WSCD1: variants seen among roughly 807,000 people sequenced by gnomAD.
The protein encoded by WSCD1 is sialate:O-sulfotransferase 1.
Under a neutral mutation model 60.4 loss-of-function variants are expected in WSCD1, and 41 were observed. That is an observed-to-expected ratio of 0.68 (90% CI 0.53 to 0.88). The LOEUF (loss-of-function observed/expected upper bound fraction) is 0.88, where lower values mean the gene tolerates loss of function less well. Among genes scored for constraint, WSCD1 ranks in the 40% least tolerant of loss-of-function variants. WSCD1 has a pLI of 0.00. For missense variants in WSCD1, 784 were observed against 796.2 expected (o/e 0.98, Z 0.18); for synonymous variants, 361 against 332.5 (o/e 1.09, Z -0.93).
rs768609827 is a variant in WSCD1, at chr17:6,080,952, C to T, written c.294C>T (p.Gly98=). 1.3e-5 allele frequency: 21 copies of T among 1,560,674 alleles called. No homozygotes were observed. Among genetic ancestry groups the T allele is most frequent in the Non-Finnish European group, 1.2e-5 (14 of 1,157,090 alleles). Reference sequence around the variant, plus strand: ...GCCCCCTGACCCGGCCCCGGCCCGGCCCCCGCTGGCTCCGGAGCCGCAACT... The same window carrying T: ...GCCCCCTGACCCGGCCCCGGCCCGGTCCCCGCTGGCTCCGGAGCCGCAACT... ...LQSPLTRPRP[G]PRWLRSRNSE... The change falls in exon 2 of 9, where the codon GGC becomes GGT. Residue 98 remains glycine (G), a synonymous_variant. Coordinates refer to ENST00000317744, the MANE Select transcript of WSCD1 (RefSeq NM_015253.2). This position sits in a 1 kb window ranked among gnomAD's most constrained non-coding sequence, Gnocchi z 6.6.
chr17:6,095,350 G>A, intron 5 of WSCD1, 127 bp downstream of exon 5: 4 of 1,296,112 alleles, frequency 3.1e-6, no homozygotes, highest in Non-Finnish European at 4.1e-6. Flanking sequence ...GAGGAAGGGG[G>A]CATGGATGGG....
Position 6,120,630 on chromosome 17 carries a change from C to T in WSCD1, c.1697C>T (p.Thr566Met), listed in dbSNP as rs776570154. The T allele has an allele frequency of 9.9e-6, 16 of 1,612,992 alleles. No individual in the cohort carries two copies. Among genetic ancestry groups the T allele is most frequent in the East Asian group, 6.7e-5 (3 of 44,856 alleles). Reference sequence around the variant, plus strand: ...CAAGCCCTGCGTGACCACAACTGGACGGGGCTGCCCAGGGAGTATGTGCCC... The same window carrying T: ...CAAGCCCTGCGTGACCACAACTGGATGGGGCTGCCCAGGGAGTATGTGCCC... ...VDQALRDHNW[T>M]GLPREYVPR The change falls in exon 9 of 9, where the codon ACG becomes ATG. Residue 566 changes from threonine to methionine, a missense_variant. Transcript: ENST00000317744.
chr17:6,110,785 G>C lies in WSCD1; in HGVS notation c.1024G>C (p.Asp342His), dbSNP rs1911364064. ...QTPVQDTRCT[D>H]RRFLPNKSKV... ...TGGACTTTCAGACACTCGTTGTACA[G>C]ACAGGAGGTTCCTGCCTAACAAATC... Residue 342 changes from aspartate to histidine, a missense_variant, in exon 7 of 9, where the codon GAC becomes CAC. By Grantham distance (81) the Asp-to-His change is moderately conservative. Coordinates refer to ENST00000317744, the MANE Select transcript of WSCD1 (RefSeq NM_015253.2). The surrounding 1 kb of genome is among the most constrained non-coding windows in gnomAD (Gnocchi z 4.8). The C allele has an allele frequency of 6.2e-7, 1 of 1,613,430 alleles. No homozygotes were observed.
intron 8 of WSCD1, among the ~76,000 whole-genome samples, chr17:6,119,961 A>G (rs983680351): frequency 6.6e-6 from 1 of 152,196 alleles, no homozygotes; most frequent in Non-Finnish European, 1.5e-5. Context: ...GCTTCACTGT[A>G]TGTCCTACTG....
chr17:6,112,878 A>G (rs1189717121), intron 7 of WSCD1, among the ~76,000 whole-genome samples: 1 of 152,206 alleles, frequency 6.6e-6, no homozygotes, highest in African/African-American at 2.4e-5. Context: ...ACCAAAAGCA[A>G]TCAACAGATC....
chr17:6,109,202 A>G lies in WSCD1; in HGVS notation c.850-405A>G, dbSNP rs9901227. ...CTGTGCCATGCAGACATCCACTCATATGGATGCCCCTGCCCAGAGTGCCAT... is the reference window on the plus strand; with the variant it reads ...CTGTGCCATGCAGACATCCACTCATGTGGATGCCCCTGCCCAGAGTGCCAT... On this transcript the variant is annotated intron_variant, in intron 5 of 8. Transcript: ENST00000317744. Among the ~76,000 whole-genome samples, 1,513 of 152,208 alleles carry G rather than the reference A, an allele frequency of 9.9e-3. 25 individuals are homozygous for G. The highest frequency in any genetic ancestry group is 0.034 in the African/African-American group (1,405 of 41,528).
Position 6,088,090 on chromosome 17 carries a change from T to C in WSCD1, c.528T>C (p.Asp176=). Residue 176 remains aspartate (D), a synonymous_variant, in exon 3 of 9, where the codon GAT becomes GAC. Coordinates refer to ENST00000317744, the MANE Select transcript of WSCD1 (RefSeq NM_015253.2). ...AGATGACTGTCTCCCACTGCCAGGA[T>C]GCGTGTGCTGAGCGGTGAGTGCTGG... is the stretch of plus-strand genomic sequence containing the variant. The part of the protein sequence containing the change: ...LRKMTVSHCQ[D]ACAERSYVYA... 1.2e-6 allele frequency: 2 copies of C among 1,614,136 alleles called. No homozygotes were observed. The highest frequency in any genetic ancestry group is 1.7e-6 in the Non-Finnish European group (2 of 1,180,004).
chr17:6,104,186 G>A (rs367911952), intron 5 of WSCD1, among the ~76,000 whole-genome samples: 11 of 152,230 alleles, frequency 7.2e-5, no homozygotes, highest in South Asian at 6.2e-4. Context: ...CCAGCTGTCC[G>A]TGAACTGAGA....
chr17:6,107,673 C>G (rs974884445), intron 5 of WSCD1, among the ~76,000 whole-genome samples: 6 of 152,102 alleles, frequency 3.9e-5, no homozygotes, highest in African/African-American at 1.4e-4. Context: ...GACATCCGGG[C>G]TGCTTGTTTC....
upstream of WSCD1, chr17:6,069,428 TGAGAGAGAGAGA>T (rs71154637): frequency 3.4e-5 from 8 of 231,970 alleles, no homozygotes; most frequent in South Asian, 2.3e-4. Context: ...TGTGTGTGTG[TGAGAGAGAGAGA>T]GAGAGAGAGA....
intron 5 of WSCD1, among the ~76,000 whole-genome samples, chr17:6,097,765 A>C (rs1910537779): frequency 6.6e-6 from 1 of 152,128 alleles, no homozygotes; most frequent in South Asian, 2.1e-4. Context: ...AAACTTTGTC[A>C]GGTTGTCCTT....
intron 1 of WSCD1, among the ~76,000 whole-genome samples, chr17:6,079,327 C>T (rs1377733375): frequency 1.3e-5 from 2 of 152,152 alleles, no homozygotes; most frequent in Non-Finnish European, 2.9e-5. Context: ...GCCTTTTTTT[C>T]TGGGATAAGC....
intron 5 of WSCD1, among the ~76,000 whole-genome samples, chr17:6,098,544 T>G (rs1233660930): frequency 1.3e-5 from 2 of 152,130 alleles, no homozygotes. Flanking sequence ...GGGTCAGAAC[T>G]ACATGGAAAG....
At chr17:6,088,420 C>A (rs953396160) in intron 3 of WSCD1, among the ~76,000 whole-genome samples, 1 of 152,110 alleles carries the variant, frequency 6.6e-6, no homozygotes, top group Non-Finnish European at 1.5e-5. Context: ...CCAGCCATAG[C>A]AGGGACTCAG....
intron 1 of WSCD1, among the ~76,000 whole-genome samples, chr17:6,076,987 G>C (rs141426305): frequency 7.4e-4 from 113 of 152,280 alleles, no homozygotes; most frequent in Middle Eastern, 3.4e-3. Flanking sequence ...TGCCCTGGAG[G>C]GGGGCTGCCA....
intron 4 of WSCD1, among the ~76,000 whole-genome samples, chr17:6,091,402 G>A (rs1038211313): frequency 3.9e-5 from 6 of 152,270 alleles, no homozygotes; most frequent in Admixed American, 1.3e-4. Flanking sequence ...CTGTGTGGCC[G>A]TGGGGCTCAG....
At chr17:6,114,168 A>AAG (rs1911570568) in intron 7 of WSCD1, among the ~76,000 whole-genome samples, 1 of 151,830 alleles carries the variant, frequency 6.6e-6, no homozygotes, top group Admixed American at 6.6e-5. Context: ...AAAAAAAAAA[A>AAG]AAAAGAATTA....
At chr17:6,090,531 CT>C in intron 4 of WSCD1, 26 bp downstream of exon 4, 1 of 1,609,864 alleles carries the variant, frequency 6.2e-7, no homozygotes, top group Non-Finnish European at 8.5e-7. Context: ...TCTTCCTGAG[CT>C]TTGTCCGTCT....
intron 4 of WSCD1, among the ~76,000 whole-genome samples, chr17:6,093,242 T>C (rs1910173971): frequency 6.6e-6 from 1 of 152,238 alleles, no homozygotes; most frequent in Non-Finnish European, 1.5e-5. Flanking sequence ...CTTCCTTCTT[T>C]AGCGGCTCAT....
Sources: gnomAD v4.1 joint callset for allele counts (sites outside exome capture counted in the v4.1 genomes callset) on GRCh38, gnomAD v4.1.1 for gene constraint, Gnocchi (gnomAD v3.1) non-coding constraint, MANE v1.5 for transcripts, NCBI Gene and HGNC (gene_info 2026-07-23, HGNC 2026-07-21) for gene names.